Variants in UBE4B observed in about 807,000 individuals in gnomAD.
The protein encoded by UBE4B is ubiquitin conjugation factor E4 B.
In UBE4B, 27 loss-of-function variants were observed where a neutral mutation model predicts 148.1. That is an observed-to-expected ratio of 0.18 (90% CI 0.13 to 0.25). The LOEUF is 0.25. Among genes scored for constraint, UBE4B ranks in the 10% least tolerant of loss-of-function variants. UBE4B has a pLI of 1.00. For synonymous variants in UBE4B, 596 were observed against 619.3 expected, an observed-to-expected ratio of 0.96 and a Z score of 0.56; for missense variants, 1,170 against 1,662.4, an observed-to-expected ratio of 0.70 and a Z score of 5.15.
At chr1:10,152,896 G>T (rs1298846468) in intron 21 of UBE4B, among the ~76,000 whole-genome samples, 1 of 151,896 alleles carries the variant, frequency 6.6e-6, no homozygotes, top group African/African-American at 2.4e-5. Context: ...AGAGCCTGGG[G>T]ATCTCAGAAC....
chr1:10,106,161 T>A lies in UBE4B; in HGVS notation c.810-36T>A, dbSNP rs1487591221. The A allele has an allele frequency of 2.0e-6, 3 of 1,526,436 alleles. No homozygotes were observed. The highest frequency in any genetic ancestry group is 1.8e-6 in the Non-Finnish European group (2 of 1,137,178). 94.6% of individuals were successfully genotyped at this position (1,526,436 alleles called of 1,614,324 possible). On this transcript the variant is annotated intron_variant, in intron 6 of 27. Coordinates refer to ENST00000343090, the MANE Select transcript of UBE4B (RefSeq NM_001105562.3). This position sits in a 1 kb window ranked among gnomAD's most constrained non-coding sequence, Gnocchi z 4.2. Reference sequence around the variant, plus strand: ...TAGTTATCTCAAGTTTTTCTTTGATTTTTCTCTTCTTTCCTCCCTTTCTCA... The same window carrying A: ...TAGTTATCTCAAGTTTTTCTTTGATATTTCTCTTCTTTCCTCCCTTTCTCA...
At chr1:10,119,466 T>G in intron 8 of UBE4B, 47 bp from the exon 9 acceptor site, 1 of 1,580,456 alleles carries the variant, frequency 6.3e-7, no homozygotes, top group African/African-American at 1.3e-5. Context: ...AGCATGGAAT[T>G]GTATTGTTTG....
intron 2 of UBE4B, among the ~76,000 whole-genome samples, chr1:10,092,904 T>C (rs957636317): frequency 6.6e-6 from 1 of 152,064 alleles, no homozygotes; most frequent in African/African-American, 2.4e-5. Context: ...AGCACTTGTA[T>C]ACATAATAAA....
At chr1:10,085,792 A>T (rs761721041) in intron 2 of UBE4B, among the ~76,000 whole-genome samples, 4 of 151,598 alleles carry the variant, frequency 2.6e-5, no homozygotes, top group Admixed American at 2.0e-4. Context: ...GTATTCAGTG[A>T]CTTTTTTTTT....
chr1:10,095,202 G>C (rs1032821898), intron 2 of UBE4B, among the ~76,000 whole-genome samples: 4 of 152,208 alleles, frequency 2.6e-5, no homozygotes, highest in Non-Finnish European at 5.9e-5. Context: ...GAGAGGTGAT[G>C]AGGGGTGAGT....
chr1:10,115,496 C>T (rs1230406028), intron 7 of UBE4B, among the ~76,000 whole-genome samples: 1 of 152,084 alleles, frequency 6.6e-6, no homozygotes, highest in Admixed American at 6.6e-5. Context: ...GTCTCCAACT[C>T]CTATACCTCA....
In UBE4B at chr1:10,168,974, C is replaced by T. The variant is rs1452792801; in HGVS notation, c.3333+704C>T. 2.0e-5 allele frequency among the ~76,000 whole-genome samples: 3 copies of T among 151,910 alleles called. No homozygotes were observed. The highest frequency in any genetic ancestry group is 4.8e-5 in the African/African-American group (2 of 41,370). ...GGATATTAAGTAGAATAATTGAGAC[C>T]GTGTAAAATCTTTGGCTCTCTTAGC... On this transcript the variant is annotated intron_variant, in intron 24 of 27. Coordinates refer to ENST00000343090, the MANE Select transcript of UBE4B (RefSeq NM_001105562.3). The surrounding 1 kb of genome is among the most constrained non-coding windows in gnomAD (Gnocchi z 4.9).
In UBE4B at chr1:10,145,107, G is replaced by A. The variant is rs898292542; in HGVS notation, c.2463+68G>A. ...TGATAATTTTCCCAACAGAATATAT[G>A]CCTTGAGTGAGCAGTTTAGTGTCCT... On this transcript the variant is annotated intron_variant, in intron 18 of 27. Transcript: ENST00000343090. The A allele has an allele frequency of 4.8e-5, 60 of 1,250,882 alleles. No individual in the cohort carries two copies. In the African/African-American group the frequency reaches 7.0e-4, roughly 15 times the overall value. 77.5% of individuals were successfully genotyped at this position (1,250,882 alleles called of 1,614,324 possible).
At chr1:10,036,397 A>G (rs1170047309) in intron 1 of UBE4B, among the ~76,000 whole-genome samples, 2 of 152,200 alleles carry the variant, frequency 1.3e-5, no homozygotes, top group South Asian at 4.1e-4. Context: ...ATTATCTTCA[A>G]CAAATTAGTT....
intron 1 of UBE4B, among the ~76,000 whole-genome samples, chr1:10,063,142 C>T (rs1341650738): frequency 6.6e-6 from 1 of 152,106 alleles, no homozygotes; most frequent in Non-Finnish European, 1.5e-5. Context: ...GTGGCGCATG[C>T]CTGTAGTCCC....
At chr1:10,175,599 C>T (rs545024862) in intron 25 of UBE4B, among the ~76,000 whole-genome samples, 9 of 151,860 alleles carry the variant, frequency 5.9e-5, no homozygotes, top group South Asian at 2.1e-4. Context: ...TGCAGTGAGC[C>T]GAGATCGCGC....
In UBE4B at chr1:10,133,293, G is replaced by A. The variant is rs139279718; in HGVS notation, c.2025+811G>A. The stretch of plus-strand genomic sequence containing the variant: ...AGCACAGATCTTGTGATTTCTGATC[G>A]TGGTTCCACCGTTTACTAACTGCGG... On this transcript the variant is annotated intron_variant, in intron 15 of 27. Coordinates refer to ENST00000343090, the MANE Select transcript of UBE4B (RefSeq NM_001105562.3). Among the ~76,000 whole-genome samples, 130 of 152,280 alleles carry A rather than the reference G, an allele frequency of 8.5e-4. 1 individual carries two copies. The East Asian group carries it at 0.019, about 23-fold the overall frequency.
At chr1:10,074,225 A>G (rs776859165) in intron 2 of UBE4B, among the ~76,000 whole-genome samples, 1 of 151,928 alleles carries the variant, frequency 6.6e-6, no homozygotes, top group Non-Finnish European at 1.5e-5. Context: ...GTTATGCACA[A>G]ATTGTCCCTG....
intron 2 of UBE4B, among the ~76,000 whole-genome samples, chr1:10,076,490 T>C (rs1157937384): frequency 6.6e-5 from 10 of 151,554 alleles, no homozygotes; most frequent in Non-Finnish European, 7.4e-5. Context: ...GTGATCCACC[T>C]GCCTCGGCCT....
chr1:10,046,159 C>G (rs959308505), intron 1 of UBE4B, among the ~76,000 whole-genome samples: 3 of 152,166 alleles, frequency 2.0e-5, no homozygotes, highest in African/African-American at 4.8e-5. Flanking sequence ...GCACAGATCA[C>G]TCCTGTTTAC....
intron 21 of UBE4B, among the ~76,000 whole-genome samples, chr1:10,157,515 C>G (rs1227371709): frequency 6.6e-6 from 1 of 152,094 alleles, no homozygotes; most frequent in Non-Finnish European, 1.5e-5. Flanking sequence ...CACGGTGGCT[C>G]ACACCTGTAA....
Position 10,137,212 on chromosome 1 carries a change from G to T in UBE4B, c.2363+7G>T, listed in dbSNP as rs1332284966. 3 of 1,613,844 alleles carry T rather than the reference G, an allele frequency of 1.9e-6. No individual in the cohort carries two copies. The East Asian group carries it at 6.7e-5, about 36-fold the overall frequency. ...CTATCCGGGAGCTCAATAGGTATGTGCCATGATACCGTGTCCTGGGATTGC... is the reference window on the plus strand; with the variant it reads ...CTATCCGGGAGCTCAATAGGTATGTTCCATGATACCGTGTCCTGGGATTGC... On this transcript the variant is annotated splice_region_variant and intron_variant, in intron 17 of 27. Coordinates refer to ENST00000343090, the MANE Select transcript of UBE4B (RefSeq NM_001105562.3).
At position 10,106,536 on chromosome 1, in the gene UBE4B, A is replaced by G. The variant is rs1645114362; in HGVS notation, c.1149A>G (p.Ser383=). The part of the protein sequence containing the change: ...SSTGPPLPPA[S]PSATSRRPSS... The stretch of plus-strand genomic sequence containing the variant: ...CGGGTCCACCCCTACCACCCGCCTC[A>G]CCCAGTGCCACGAGCAGACGCCCCT... Residue 383 remains serine, a synonymous_variant, in exon 7 of 28, where the codon TCA becomes TCG. Transcript: ENST00000343090. This position sits in a 1 kb window ranked among gnomAD's most constrained non-coding sequence, Gnocchi z 4.2. 6.2e-7 allele frequency: 1 copy of G among 1,600,002 alleles called. No homozygotes were observed. Among genetic ancestry groups the G allele is most frequent in the African/African-American group, 1.3e-5 (1 of 74,680 alleles).
At chr1:10,081,167 A>G (rs1644673471) in intron 2 of UBE4B, among the ~76,000 whole-genome samples, 1 of 152,064 alleles carries the variant, frequency 6.6e-6, no homozygotes, top group Non-Finnish European at 1.5e-5. Flanking sequence ...GGTTCAAACG[A>G]TTCTCCTGCC....
Sources: allele counts gnomAD v4.1 joint callset (sites outside exome capture counted in the v4.1 genomes callset), GRCh38; gene constraint gnomAD v4.1.1; non-coding constraint Gnocchi (gnomAD v3.1); transcripts MANE v1.5; gene names NCBI Gene and HGNC (gene_info 2026-07-23, HGNC 2026-07-21).